MSH3: variants seen among roughly 807,000 people sequenced by gnomAD.
The protein encoded by MSH3 is mutS homolog 3, also known as DNA mismatch repair protein Msh3.
Under a neutral mutation model 123.3 loss-of-function variants are expected in MSH3, and 106 were observed. That is an observed-to-expected ratio of 0.86 (90% CI 0.73 to 1.01). The LOEUF is 1.01. Among genes scored for constraint, MSH3 ranks in the 50% least tolerant of loss-of-function variants. The pLI is 0.00. For missense variants in MSH3, 1,459 were observed against 1,347.6 expected, an observed-to-expected ratio of 1.08 and a Z score of -1.29; for synonymous variants, 515 against 481.4, an observed-to-expected ratio of 1.07 and a Z score of -0.91.
Position 80,761,652 on chromosome 5 carries a change from GGACT to G in MSH3, c.1871_1874del (p.Gly624AlafsTer16). On this transcript the variant is annotated frameshift_variant, in exon 13 of 24. Transcript: ENST00000265081. LOFTEE classifies it high-confidence loss of function. ...ACGTAAATTGCCCGACATAGAGAGG[GGACT>G]CTGTAGCATTTATCACAAAAAAGTA... 2 of 1,613,858 alleles carry G rather than the reference GGACT, an allele frequency of 1.2e-6. No homozygotes were observed. Among genetic ancestry groups the G allele is most frequent in the Non-Finnish European group, 1.7e-6 (2 of 1,179,964 alleles).
chr5:80,846,119 C>G (rs575499643), intron 20 of MSH3, among the ~76,000 whole-genome samples: 1 of 152,192 alleles, frequency 6.6e-6, no homozygotes, highest in East Asian at 1.9e-4. Flanking sequence ...GATGTTGATG[C>G]TATTTCTTTC....
At chr5:80,779,635 C>T (rs1221613235) in intron 17 of MSH3, among the ~76,000 whole-genome samples, 1 of 150,022 alleles carries the variant, frequency 6.7e-6, no homozygotes, top group Non-Finnish European at 1.5e-5. Context: ...ACTGCAAGCT[C>T]TGCCTCCCGA....
At chr5:80,861,636 A>G (rs527926651) in intron 21 of MSH3, among the ~76,000 whole-genome samples, 25 of 152,082 alleles carry the variant, frequency 1.6e-4, no homozygotes, top group African/African-American at 6.0e-4. Flanking sequence ...ACCAAGTGGA[A>G]CTCCTGGGAG....
intron 8 of MSH3, among the ~76,000 whole-genome samples, chr5:80,723,753 GCTT>G (rs1751136508): frequency 8.1e-6 from 1 of 123,596 alleles, no homozygotes; most frequent in African/African-American, 3.3e-5. Flanking sequence ...GATAATGTTT[GCTT>G]CTTTTATTAA....
intron 22 of MSH3, among the ~76,000 whole-genome samples, chr5:80,866,333 C>G (rs1462349328): frequency 2.0e-5 from 3 of 152,122 alleles, no homozygotes; most frequent in Non-Finnish European, 4.4e-5. Flanking sequence ...GAGACAGGCT[C>G]TCACTATGTT....
chr5:80,699,654 T>C (rs1030405892), intron 8 of MSH3, among the ~76,000 whole-genome samples: 11 of 152,218 alleles, frequency 7.2e-5, no homozygotes, highest in Middle Eastern at 3.4e-3. Context: ...TATATAGATT[T>C]ACATTATACA....
At chr5:80,861,238 T>G (rs1413405158) in intron 21 of MSH3, among the ~76,000 whole-genome samples, 1 of 152,214 alleles carries the variant, frequency 6.6e-6, no homozygotes, top group African/African-American at 2.4e-5. Context: ...TCTTGACAGC[T>G]GGCTATGATG....
rs760855166 is a variant in MSH3, at chr5:80,675,136, CT to C, written c.1173+11del. Reference sequence around the variant, plus strand: ...ATTTTTATTGGCATTGTGGTAAGTACTTTGCAGGTGAGGAACAAATGTTAGA... The same window carrying C: ...ATTTTTATTGGCATTGTGGTAAGTACTTGCAGGTGAGGAACAAATGTTAGA... On this transcript the variant is annotated intron_variant, in intron 7 of 23. Transcript: ENST00000265081. 6.2e-7 allele frequency: 1 copy of C among 1,613,590 alleles called. No individual in the cohort carries two copies. The highest frequency in any genetic ancestry group is 2.2e-5 in the East Asian group (1 of 44,766).
At chr5:80,805,569 C>G (rs1580060401) in intron 19 of MSH3, among the ~76,000 whole-genome samples, 1 of 137,374 alleles carries the variant, frequency 7.3e-6, no homozygotes, top group Admixed American at 7.4e-5. Flanking sequence ...TCTTCACTTT[C>G]AATATGATGC....
chr5:80,722,835 T>G (rs1381565374), intron 8 of MSH3, among the ~76,000 whole-genome samples: 2 of 152,220 alleles, frequency 1.3e-5, no homozygotes, highest in African/African-American at 4.8e-5. Context: ...CTGGGCGCAA[T>G]GGCTCACGCC....
chr5:80,755,050 C>T (rs945041125), intron 12 of MSH3, among the ~76,000 whole-genome samples: 6 of 152,170 alleles, frequency 3.9e-5, no homozygotes, highest in African/African-American at 1.4e-4. Context: ...CTGGTTTACT[C>T]AGCCCCTGGG....
intron 13 of MSH3, among the ~76,000 whole-genome samples, chr5:80,761,969 T>C (rs1744043720): frequency 6.6e-6 from 1 of 152,078 alleles, no homozygotes; most frequent in Non-Finnish European, 1.5e-5. Context: ...TACAGACTAT[T>C]ATCAAAATAG....
At chr5:80,683,127 C>T (rs146854555) in intron 8 of MSH3, among the ~76,000 whole-genome samples, 3 of 152,138 alleles carry the variant, frequency 2.0e-5, no homozygotes, top group Middle Eastern at 3.2e-3. Flanking sequence ...CCTGGGTGCT[C>T]GCAAATCTTA....
intron 20 of MSH3, among the ~76,000 whole-genome samples, chr5:80,817,361 T>A (rs1745123516): frequency 6.6e-6 from 1 of 152,080 alleles, no homozygotes; most frequent in Admixed American, 6.5e-5. Flanking sequence ...GGGGCCACAC[T>A]GCAGTTAAAA....
At chr5:80,835,792 A>G (rs982838323) in intron 20 of MSH3, among the ~76,000 whole-genome samples, 26 of 151,986 alleles carry the variant, frequency 1.7e-4, no homozygotes, top group Non-Finnish European at 2.5e-4. Flanking sequence ...GCACATTCCT[A>G]TAGTCCCAGC....
intron 8 of MSH3, among the ~76,000 whole-genome samples, chr5:80,717,509 C>G (rs1358330123): frequency 6.6e-6 from 1 of 152,114 alleles, no homozygotes; most frequent in Non-Finnish European, 1.5e-5. Flanking sequence ...CTTTAGCTTC[C>G]CAAGTAGTTG....
intron 22 of MSH3, among the ~76,000 whole-genome samples, chr5:80,872,345 T>C (rs920740902): frequency 2.6e-5 from 4 of 151,934 alleles, no homozygotes; most frequent in Non-Finnish European, 2.9e-5. Context: ...TATGCACCTG[T>C]AGTTTCAGCT....
intron 10 of MSH3, among the ~76,000 whole-genome samples, chr5:80,737,546 T>C (rs1029609661): frequency 2.6e-5 from 4 of 152,248 alleles, no homozygotes; most frequent in Non-Finnish European, 5.9e-5. Context: ...GTGAGTTTCA[T>C]TTCAAAGCAC....
At chr5:80,707,009 G>A (rs1001609319) in intron 8 of MSH3, among the ~76,000 whole-genome samples, 8 of 152,080 alleles carry the variant, frequency 5.3e-5, no homozygotes, top group African/African-American at 1.9e-4. Flanking sequence ...CGTTCTCTTT[G>A]CCTTTTTGCA....
Sources: allele counts gnomAD v4.1 joint callset (sites outside exome capture counted in the v4.1 genomes callset), GRCh38; gene constraint gnomAD v4.1.1; transcripts MANE v1.5; gene names NCBI Gene and HGNC (gene_info 2026-07-23, HGNC 2026-07-21).